TMPRSS15: variants seen among roughly 807,000 people sequenced by gnomAD.
The protein encoded by TMPRSS15 is transmembrane serine protease 15, also known as enteropeptidase.
Under a neutral mutation model 125.3 loss-of-function variants are expected in TMPRSS15, and 128 were observed. That is an observed-to-expected ratio of 1.02 (90% CI 0.89 to 1.18). The LOEUF is 1.18. Ranked by LOEUF, TMPRSS15 falls within the 50% of genes most tolerant of loss-of-function variation. The pLI, the probability that TMPRSS15 is intolerant of heterozygous loss-of-function variation, is 0.00. For missense variants in TMPRSS15, 1,283 were observed against 1,212.7 expected (o/e 1.06, Z -0.86); for synonymous variants, 446 against 423.2 (o/e 1.05, Z -0.66).
intron 1 of TMPRSS15, among the ~76,000 whole-genome samples, chr21:18,481,779 G>C (rs1175598407): frequency 1.3e-5 from 2 of 151,274 alleles, no homozygotes; most frequent in African/African-American, 2.4e-5. Context: ...AGCAATAATA[G>C]GTAGGTAATA....
rs769295883 is a variant in TMPRSS15, at chr21:18,294,276, A to T, written c.2480T>A (p.Val827Glu). Residue 827 changes from valine (V) to glutamate (E), a missense_variant, in exon 21 of 25, where the codon GTG becomes GAG. Coordinates refer to ENST00000284885, the MANE Select transcript of TMPRSS15 (RefSeq NM_002772.3). ...SDWLVSAAHC[V>E]YGRNLEPSKW... The stretch of plus-strand genomic sequence containing the variant: ...CACTTGACATCACACTCACCCATAC[A>T]CGCAGTGTGCGGCGGACACCAGCCA... 2.0e-5 allele frequency: 33 copies of T among 1,614,050 alleles called. No individual in the cohort carries two copies. The South Asian group carries it at 3.5e-4, about 17-fold the overall frequency.
At chr21:18,317,964 CA>C (rs1195555900) in intron 16 of TMPRSS15, among the ~76,000 whole-genome samples, 2 of 150,052 alleles carry the variant, frequency 1.3e-5, no homozygotes, top group Admixed American at 1.3e-4. Flanking sequence ...GTAGTGAAAC[CA>C]AATAAATTCA....
intron 5 of TMPRSS15, among the ~76,000 whole-genome samples, chr21:18,376,325 A>C (rs2075843028): frequency 6.6e-6 from 1 of 152,142 alleles, no homozygotes. Flanking sequence ...ATTAGAGGAG[A>C]GTGCTTAGCA....
At chr21:18,271,597 T>C (rs2074557300) in intron 24 of TMPRSS15, among the ~76,000 whole-genome samples, 1 of 152,140 alleles carries the variant, frequency 6.6e-6, no homozygotes, top group Non-Finnish European at 1.5e-5. Context: ...TTTCTTTTCT[T>C]TTCTTTTTTT....
At chr21:18,457,451 GA>G (rs762077595) in intron 1 of TMPRSS15, among the ~76,000 whole-genome samples, 7 of 152,034 alleles carry the variant, frequency 4.6e-5, no homozygotes, top group Admixed American at 1.3e-4. Flanking sequence ...TGCTGATGGG[GA>G]CTTGTCATTA....
intron 1 of TMPRSS15, among the ~76,000 whole-genome samples, chr21:18,418,082 G>A (rs907774297): frequency 3.3e-5 from 5 of 152,086 alleles, no homozygotes; most frequent in African/African-American, 1.2e-4. Context: ...GTAATGAAAT[G>A]TATTGCTCAT....
intron 1 of TMPRSS15, among the ~76,000 whole-genome samples, chr21:18,412,935 C>T (rs926785393): frequency 6.6e-6 from 1 of 152,076 alleles, no homozygotes; most frequent in Non-Finnish European, 1.5e-5. Context: ...TCCTTGGAAA[C>T]GTTGTGTAAA....
At chr21:18,386,871 A>G (rs1468675844) in intron 3 of TMPRSS15, among the ~76,000 whole-genome samples, 1 of 152,242 alleles carries the variant, frequency 6.6e-6, no homozygotes, top group Non-Finnish European at 1.5e-5. Flanking sequence ...TAAAAGAGGT[A>G]AGGTATTTTG....
At chr21:18,366,850 A>G (rs982538712) in intron 6 of TMPRSS15, among the ~76,000 whole-genome samples, 1 of 152,116 alleles carries the variant, frequency 6.6e-6, no homozygotes, top group Admixed American at 6.6e-5. Context: ...GCTAATTCTA[A>G]ACTGAGCTAT....
chr21:18,399,979 A>G (rs1437833861), intron 1 of TMPRSS15, among the ~76,000 whole-genome samples: 1 of 152,124 alleles, frequency 6.6e-6, no homozygotes, highest in Non-Finnish European at 1.5e-5. Context: ...CCCATTGTCA[A>G]TAGCCATACA....
In TMPRSS15 at chr21:18,377,671, G is replaced by A. The variant is rs540436802; in HGVS notation, c.532+1612C>T. Among the ~76,000 whole-genome samples the A allele has an allele frequency of 9.9e-5, 15 of 152,234 alleles. No homozygotes were observed. The Middle Eastern group carries it at 0.01, about 104-fold the overall frequency. ...GTCTTTTTAGTGATTGAGAATGTAT[G>A]TTACTTGTTGATCTTTATTTTCACT... On this transcript the variant is annotated intron_variant, in intron 5 of 24. Coordinates refer to ENST00000284885, the MANE Select transcript of TMPRSS15 (RefSeq NM_002772.3).
chr21:18,361,186 T>G (rs1489936062), intron 7 of TMPRSS15, among the ~76,000 whole-genome samples: 1 of 152,104 alleles, frequency 6.6e-6, no homozygotes, highest in African/African-American at 2.4e-5. Context: ...AGATAATAGT[T>G]TCAGAGAGGG....
In TMPRSS15 at chr21:18,278,924, G is replaced by GTTTGTTTTTTT. The variant is rs769392758; in HGVS notation, c.2764+39_2764+40insAAAAAAACAAA. 1.2e-4 allele frequency: 52 copies of GTTTGTTTTTTT among 440,182 alleles called. No individual in the cohort carries two copies. In the African/African-American group the frequency reaches 1.6e-3, roughly 13 times the overall value. 27.3% of individuals were successfully genotyped at this position (440,182 alleles called of 1,614,324 possible). On this transcript the variant is annotated intron_variant, in intron 23 of 24. Coordinates refer to ENST00000284885, the MANE Select transcript of TMPRSS15 (RefSeq NM_002772.3). ...TGACAGTCTGTTTTTCACCAGTAAG[G>GTTTGTTTTTTT]TTTTTTTTTTTTTTTTTTTTTTTGA...
intron 6 of TMPRSS15, among the ~76,000 whole-genome samples, chr21:18,368,003 T>G (rs2075755116): frequency 2.0e-5 from 3 of 152,084 alleles, no homozygotes; most frequent in South Asian, 2.1e-4. Context: ...AACAGAAAAT[T>G]TTTTAAAGAT....
At chr21:18,406,029 T>A (rs1223490646), upstream of TMPRSS15, among the ~76,000 whole-genome samples, 1 of 152,122 alleles carries the variant, frequency 6.6e-6, no homozygotes, top group East Asian at 1.9e-4. Flanking sequence ...TATGACAGAA[T>A]TGAACTGAGG....
At chr21:18,400,146 C>T (rs1415065024) in intron 1 of TMPRSS15, among the ~76,000 whole-genome samples, 2 of 152,126 alleles carry the variant, frequency 1.3e-5, no homozygotes, top group Non-Finnish European at 2.9e-5. Flanking sequence ...AATGACCATA[C>T]TGCCCAAAGC....
intron 1 of TMPRSS15, among the ~76,000 whole-genome samples, chr21:18,443,962 C>T (rs2076249118): frequency 6.6e-6 from 1 of 152,182 alleles, no homozygotes; most frequent in African/African-American, 2.4e-5. Flanking sequence ...TGGGCAATTC[C>T]TGCTAGAGCT....
At chr21:18,352,463 A>T (rs796099802) in intron 10 of TMPRSS15, among the ~76,000 whole-genome samples, 34 of 152,196 alleles carry the variant, frequency 2.2e-4, no homozygotes, top group African/African-American at 8.2e-4. Flanking sequence ...ATAACAAACA[A>T]ATTCAGCAGG....
chr21:18,416,316 C>G (rs932525653), intron 1 of TMPRSS15, among the ~76,000 whole-genome samples: 4 of 151,972 alleles, frequency 2.6e-5, no homozygotes, highest in Admixed American at 2.6e-4. Flanking sequence ...TTTGGAACCA[C>G]AAAAGACCCA....
Sources: gnomAD v4.1 joint callset for allele counts (sites outside exome capture counted in the v4.1 genomes callset) on GRCh38, gnomAD v4.1.1 for gene constraint, MANE v1.5 for transcripts, NCBI Gene and HGNC (gene_info 2026-07-23, HGNC 2026-07-21) for gene names.